NTNG1: variants seen among roughly 807,000 people sequenced by gnomAD.
NTNG1 encodes netrin-G1.
In NTNG1, 16 loss-of-function variants were observed where a neutral mutation model predicts 54.0. The ratio of observed to expected loss-of-function variants is 0.30; its 90% CI spans 0.20 to 0.45. NTNG1 has a LOEUF of 0.45. Ranked by LOEUF, NTNG1 falls within the 20% of genes least tolerant of loss-of-function variation. NTNG1 has a pLI of 1.00. For synonymous variants in NTNG1, 255 were observed against 263.1 expected, an observed-to-expected ratio of 0.97 and a Z score of 0.30; for missense variants, 530 against 678.7, an observed-to-expected ratio of 0.78 and a Z score of 2.43.
At chr1:107,194,458 G>A (rs1210718049) in intron 2 of NTNG1, among the ~76,000 whole-genome samples, 2 of 152,000 alleles carry the variant, frequency 1.3e-5, no homozygotes, top group Non-Finnish European at 1.5e-5. Flanking sequence ...TTCAGCCACA[G>A]AGGTGAATAC....
intron 1 of NTNG1, among the ~76,000 whole-genome samples, chr1:107,146,469 T>C (rs143097301): frequency 5.3e-5 from 8 of 152,110 alleles, no homozygotes; most frequent in Non-Finnish European, 1.0e-4. Flanking sequence ...TACTAATGAA[T>C]CTGAAAAAAA....
At chr1:107,220,306 G>A (rs1660256815) in intron 2 of NTNG1, among the ~76,000 whole-genome samples, 1 of 152,156 alleles carries the variant, frequency 6.6e-6, no homozygotes, top group South Asian at 2.1e-4. Flanking sequence ...AGCCTGCAGT[G>A]GCAATCCACC....
At chr1:107,288,171 G>C (rs1236489649) in intron 2 of NTNG1, among the ~76,000 whole-genome samples, 1 of 152,144 alleles carries the variant, frequency 6.6e-6, no homozygotes, top group African/African-American at 2.4e-5. Context: ...AGCATCAACA[G>C]GGTGGGATAA....
intron 1 of NTNG1, among the ~76,000 whole-genome samples, chr1:107,144,669 A>C (rs1290530357): frequency 6.6e-6 from 1 of 152,032 alleles, no homozygotes; most frequent in African/African-American, 2.4e-5. Context: ...AGAATCCTGG[A>C]CAAATACATG....
intron 2 of NTNG1, among the ~76,000 whole-genome samples, chr1:107,217,560 T>C (rs534102261): frequency 1.3e-5 from 2 of 152,204 alleles, no homozygotes; most frequent in Non-Finnish European, 2.9e-5. Context: ...TTATTTGTGC[T>C]CTTTCAGCTT....
At chr1:107,427,929 G>A (rs1242043211) in intron 5 of NTNG1, among the ~76,000 whole-genome samples, 1 of 152,076 alleles carries the variant, frequency 6.6e-6, no homozygotes, top group Non-Finnish European at 1.5e-5. Flanking sequence ...AATAATAGTA[G>A]TGATAATATC....
At chr1:107,171,421 T>C (rs1656230002) in intron 2 of NTNG1, among the ~76,000 whole-genome samples, 1 of 152,176 alleles carries the variant, frequency 6.6e-6, no homozygotes, top group South Asian at 2.1e-4. Flanking sequence ...CCTCCTGGCC[T>C]TTCACTGTCT....
At chr1:107,443,289 C>G (rs1206168231) in intron 7 of NTNG1, among the ~76,000 whole-genome samples, 1 of 152,144 alleles carries the variant, frequency 6.6e-6, no homozygotes, top group Non-Finnish European at 1.5e-5. Context: ...TCAGTCCTCA[C>G]TTCTGGTTTC....
At chr1:107,261,264 T>C (rs1663304142) in intron 2 of NTNG1, among the ~76,000 whole-genome samples, 1 of 152,168 alleles carries the variant, frequency 6.6e-6, no homozygotes, top group South Asian at 2.1e-4. Flanking sequence ...TAGTAGGGAA[T>C]AAAGATGTTA....
chr1:107,244,790 G>A (rs1408144995), intron 2 of NTNG1, among the ~76,000 whole-genome samples: 2 of 152,160 alleles, frequency 1.3e-5, no homozygotes, highest in South Asian at 2.1e-4. Flanking sequence ...AGTGTGGCGC[G>A]AACAGCAGGA....
At chr1:107,288,364 A>G (rs1449702262) in intron 2 of NTNG1, among the ~76,000 whole-genome samples, 1 of 152,218 alleles carries the variant, frequency 6.6e-6, no homozygotes, top group Admixed American at 6.5e-5. Flanking sequence ...GACCTGAAGT[A>G]TAATGAAAAG....
chr1:107,271,319 T>C (rs1557859675), intron 2 of NTNG1, among the ~76,000 whole-genome samples: 1 of 152,186 alleles, frequency 6.6e-6, no homozygotes, highest in East Asian at 1.9e-4. Context: ...ATTTAGGATA[T>C]TGTAAGAATT....
intron 3 of NTNG1, among the ~76,000 whole-genome samples, chr1:107,334,380 T>C (rs1184725606): frequency 4.0e-5 from 6 of 151,898 alleles, no homozygotes; most frequent in Non-Finnish European, 8.8e-5. Context: ...GAAGCAAAGC[T>C]GTTATAACAT....
At chr1:107,369,041 A>G (rs1374032130) in intron 3 of NTNG1, among the ~76,000 whole-genome samples, 1 of 152,198 alleles carries the variant, frequency 6.6e-6, no homozygotes. Flanking sequence ...ATTATATAAT[A>G]TGACTCTTTT....
rs533372631 is a variant in NTNG1 at position 107,178,952 on chromosome 1, T to C, written c.246+30113T>C. On this transcript the variant is annotated intron_variant, in intron 2 of 7. Coordinates refer to ENST00000370068, the MANE Select transcript of NTNG1 (RefSeq NM_001113226.3). ...AGAGAAAGGAGCTGTGGTAGATCAA[T>C]GTCGCTGCTTGGACATAGCATATGT... is the stretch of plus-strand genomic sequence containing the variant. Among the ~76,000 whole-genome samples, 115 of 152,294 alleles carry C rather than the reference T, an allele frequency of 7.6e-4. 1 individual carries two copies. Among genetic ancestry groups the C allele is most frequent in the African/African-American group, 2.6e-3 (108 of 41,578 alleles).
intron 2 of NTNG1, among the ~76,000 whole-genome samples, chr1:107,157,322 T>C (rs1570726371): frequency 6.6e-6 from 1 of 152,204 alleles, no homozygotes; most frequent in South Asian, 2.1e-4. Flanking sequence ...CAGCCTTCTA[T>C]TCCTAGGCAT....
Position 107,413,197 on chromosome 1 carries a change from C to G in NTNG1, c.1087+5489C>G, listed in dbSNP as rs530342279. Among the ~76,000 whole-genome samples, 8 of 149,070 alleles carry G rather than the reference C, an allele frequency of 5.4e-5. No individual in the cohort carries two copies. In the East Asian group the frequency reaches 1.6e-3, roughly 30 times the overall value. On this transcript the variant is annotated intron_variant, in intron 5 of 7. Transcript: ENST00000370068. Reference sequence around the variant, plus strand: ...TTTTTTTCTGAGATGGAGTCTCACTCTGTCACCCAGGCTGGAGTGCAGTGA... The same window carrying G: ...TTTTTTTCTGAGATGGAGTCTCACTGTGTCACCCAGGCTGGAGTGCAGTGA...
intron 2 of NTNG1, among the ~76,000 whole-genome samples, chr1:107,310,029 A>G (rs974794942): frequency 2.6e-5 from 4 of 152,188 alleles, no homozygotes; most frequent in Admixed American, 6.5e-5. Flanking sequence ...TGAAAATTAA[A>G]TGAAATGACA....
intron 1 of NTNG1, among the ~76,000 whole-genome samples, chr1:107,147,781 G>C (rs1184938911): frequency 1.3e-5 from 2 of 152,106 alleles, no homozygotes; most frequent in Non-Finnish European, 2.9e-5. Context: ...CTAGCTGCTT[G>C]CTCTCAGTTT....
Sources: gnomAD v4.1 joint callset for allele counts (sites outside exome capture counted in the v4.1 genomes callset) on GRCh38, gnomAD v4.1.1 for gene constraint, MANE v1.5 for transcripts, NCBI Gene and HGNC (gene_info 2026-07-23, HGNC 2026-07-21) for gene names.